ELMO1: variants seen among roughly 807,000 people sequenced by gnomAD.
ELMO1 encodes engulfment and cell motility protein 1.
Under a neutral mutation model 98.9 loss-of-function variants are expected in ELMO1, and 26 were observed. The ratio of observed to expected loss-of-function variants is 0.26; its 90% CI spans 0.19 to 0.36. The LOEUF (loss-of-function observed/expected upper bound fraction) is 0.36. Among genes scored for constraint, ELMO1 ranks in the 10% least tolerant of loss-of-function variants. ELMO1 has a pLI of 1.00. For synonymous variants in ELMO1, 346 were observed against 346.0 expected (o/e 1.00, Z 0.00); for missense variants, 627 against 935.2 (o/e 0.67, Z 4.30).
chr7:37,276,503 C>A (rs570725054), intron 4 of ELMO1, among the ~76,000 whole-genome samples: 1 of 152,000 alleles, frequency 6.6e-6, no homozygotes, highest in Non-Finnish European at 1.5e-5. Flanking sequence ...CCCAGCTACT[C>A]GGGAGGCTGA....
chr7:37,080,107 C>A (rs570154968), intron 15 of ELMO1, among the ~76,000 whole-genome samples: 2 of 152,284 alleles, frequency 1.3e-5, no homozygotes, highest in East Asian at 1.9e-4. Context: ...CTCTTATTCC[C>A]CACTCCACAT....
At chr7:37,205,251 G>T (rs540558666) in intron 13 of ELMO1, among the ~76,000 whole-genome samples, 1 of 152,300 alleles carries the variant, frequency 6.6e-6, no homozygotes, top group Non-Finnish European at 1.5e-5. Flanking sequence ...GAAAGTTGCT[G>T]CAAATAAGTT....
intron 14 of ELMO1, among the ~76,000 whole-genome samples, chr7:37,122,183 T>G (rs529315491): frequency 6.6e-6 from 1 of 152,166 alleles, no homozygotes; most frequent in Non-Finnish European, 1.5e-5. Context: ...TGCAAAATCA[T>G]GCCAAATTGT....
intron 4 of ELMO1, among the ~76,000 whole-genome samples, chr7:37,281,021 A>ATATATATG (rs60683035): frequency 3.8e-4 from 57 of 148,570 alleles, no homozygotes; most frequent in Non-Finnish European, 6.7e-4. Context: ...AAATATATAT[A>ATATATATG]TATACACACA....
chr7:37,375,000 G>C (rs891586683), intron 1 of ELMO1, among the ~76,000 whole-genome samples: 1 of 150,780 alleles, frequency 6.6e-6, no homozygotes, highest in African/African-American at 2.4e-5. Context: ...TGGAGGTTGC[G>C]GTGGGCTGAG....
intron 1 of ELMO1, among the ~76,000 whole-genome samples, chr7:37,356,083 A>C (rs541716152): frequency 6.6e-6 from 1 of 152,308 alleles, no homozygotes; most frequent in Non-Finnish European, 1.5e-5. Flanking sequence ...CTCAGAACCA[A>C]GGTCTCTCTG....
intron 14 of ELMO1, among the ~76,000 whole-genome samples, chr7:37,115,392 T>C (rs1480772522): frequency 1.3e-5 from 2 of 152,202 alleles, no homozygotes; most frequent in African/African-American, 4.8e-5. Context: ...AATAGAATTA[T>C]GCACCACAAC....
chr7:37,163,547 T>C (rs201790674), intron 13 of ELMO1, among the ~76,000 whole-genome samples: 11 of 151,052 alleles, frequency 7.3e-5, no homozygotes, highest in African/African-American at 2.7e-4. Context: ...CCTGTGTCCA[T>C]TGATCTCATT....
chr7:36,967,692 C>G (rs1789565149), intron 16 of ELMO1, among the ~76,000 whole-genome samples: 1 of 152,206 alleles, frequency 6.6e-6, no homozygotes, highest in South Asian at 2.1e-4. Context: ...TGGTGATGAA[C>G]AGCTGACATC....
At chr7:37,447,655 ACACT>A (rs1224367045) in intron 1 of ELMO1, among the ~76,000 whole-genome samples, 7 of 147,762 alleles carry the variant, frequency 4.7e-5, no homozygotes, top group African/African-American at 1.5e-4. Flanking sequence ...CCACACACAC[ACACT>A]CACACACACA....
intron 15 of ELMO1, among the ~76,000 whole-genome samples, chr7:37,058,697 G>A (rs772692967): frequency 7.9e-5 from 12 of 152,100 alleles, no homozygotes; most frequent in Non-Finnish European, 1.8e-4. Flanking sequence ...AGGAAGCCCT[G>A]GGGATACTCT....
At chr7:37,326,012 A>C (rs2131168717) in intron 2 of ELMO1, among the ~76,000 whole-genome samples, 1 of 152,312 alleles carries the variant, frequency 6.6e-6, no homozygotes, top group African/African-American at 2.4e-5. Flanking sequence ...TGTATGGAGG[A>C]ATCAGATGTG....
chr7:36,905,177 A>C (rs1011194687), intron 16 of ELMO1, among the ~76,000 whole-genome samples: 4 of 152,238 alleles, frequency 2.6e-5, no homozygotes, highest in African/African-American at 9.6e-5. Context: ...AATGGCTACA[A>C]ATTTTTAATA....
intron 17 of ELMO1, among the ~76,000 whole-genome samples, chr7:36,889,373 A>G (rs891708289): frequency 6.6e-6 from 1 of 152,242 alleles, no homozygotes; most frequent in Non-Finnish European, 1.5e-5. Context: ...AAATGGACTC[A>G]GTAAATTGCA....
chr7:37,318,199 A>G (rs1431347139), intron 2 of ELMO1, among the ~76,000 whole-genome samples: 1 of 152,200 alleles, frequency 6.6e-6, no homozygotes, highest in Non-Finnish European at 1.5e-5. Context: ...GTGTTCGCTC[A>G]ACCAAATGAC....
chr7:36,911,602 A>T (rs772861775), intron 16 of ELMO1, among the ~76,000 whole-genome samples: 11 of 152,202 alleles, frequency 7.2e-5, no homozygotes, highest in Non-Finnish European at 1.5e-4. Context: ...CTCAAAGCAC[A>T]GAGAAATGAT....
intron 14 of ELMO1, among the ~76,000 whole-genome samples, chr7:37,107,223 T>C (rs371231474): frequency 6.6e-6 from 1 of 152,334 alleles, no homozygotes; most frequent in East Asian, 1.9e-4. Context: ...ATTTGTAAGA[T>C]GGGCCAACTT....
At chr7:37,418,713 T>A (rs138649195) in intron 1 of ELMO1, among the ~76,000 whole-genome samples, 1 of 152,208 alleles carries the variant, frequency 6.6e-6, no homozygotes, top group East Asian at 1.9e-4. Flanking sequence ...AGCGTGGAGA[T>A]GGAAAATCCA....
chr7:37,325,986 C>T (rs1410889228), intron 2 of ELMO1, among the ~76,000 whole-genome samples: 2 of 152,182 alleles, frequency 1.3e-5, no homozygotes, highest in African/African-American at 2.4e-5. Context: ...CTCCATGCTT[C>T]TGAGCCATCT....
Sources: gnomAD v4.1 joint callset for allele counts (sites outside exome capture counted in the v4.1 genomes callset) on GRCh38, gnomAD v4.1.1 for gene constraint, MANE v1.5 for transcripts, NCBI Gene and HGNC (gene_info 2026-07-23, HGNC 2026-07-21) for gene names.